Variants in PADI3 observed in about 807,000 individuals in gnomAD.
The protein encoded by PADI3 is protein-arginine deiminase type-3.
A neutral mutation model predicts 71.5 loss-of-function variants in PADI3; 53 were observed. That is an observed-to-expected ratio of 0.74 (90% CI 0.59 to 0.93). The LOEUF is 0.93. Ranked by LOEUF, PADI3 falls within the 40% of genes least tolerant of loss-of-function variation. PADI3 has a pLI of 0.00. For missense variants in PADI3, 821 were observed against 868.0 expected, an observed-to-expected ratio of 0.95 and a Z score of 0.68; for synonymous variants, 361 against 347.5, an observed-to-expected ratio of 1.04 and a Z score of -0.43.
Position 17,280,385 on chromosome 1 carries a change from G to C in PADI3, c.1591G>C (p.Val531Leu), listed in dbSNP as rs374756867. ...EQVKTISINQ[V>L]LSNKDLINYN... ...GGTCAAGACCATCTCCATCAACCAGGTGCTCTCCAATAAAGACCTCATCAA... is the reference window on the plus strand; with the variant it reads ...GGTCAAGACCATCTCCATCAACCAGCTGCTCTCCAATAAAGACCTCATCAA... The change falls in exon 14 of 16, where the codon GTG (valine) becomes CTG (leucine). Residue 531 changes from valine (V) to leucine (L), a missense_variant. By Grantham distance (32) the Val-to-Leu change is conservative. Coordinates refer to ENST00000375460, the MANE Select transcript of PADI3 (RefSeq NM_016233.2). 6.2e-7 allele frequency: 1 copy of C among 1,613,984 alleles called. No individual in the cohort carries two copies. Among genetic ancestry groups the C allele is most frequent in the Admixed American group, 1.7e-5 (1 of 60,006 alleles).
chr1:17,281,712 C>CA (rs1296607370), intron 15 of PADI3, among the ~76,000 whole-genome samples: 1 of 152,232 alleles, frequency 6.6e-6, no homozygotes, highest in East Asian at 1.9e-4. Context: ...CTCGGCCTCC[C>CA]AAAGTGCTGG....
intron 5 of PADI3, 140 bp from the exon 6 acceptor site, chr1:17,267,697 G>A (rs558160395): frequency 1.1e-6 from 1 of 875,282 alleles, no homozygotes; most frequent in Non-Finnish European, 1.7e-6. Context: ...GTTCTTGATG[G>A]CTTCCAGGGT....
intron 6 of PADI3, 88 bp downstream of exon 6, chr1:17,268,050 G>A: frequency 6.6e-7 from 1 of 1,514,906 alleles, no homozygotes; most frequent in Non-Finnish European, 9.1e-7. Flanking sequence ...TGGGCCATGG[G>A]CAGGTCCTGC....
At position 17,250,493 on chromosome 1, in the gene PADI3, G is replaced by A. The variant is rs1184932212; in HGVS notation, c.92+1264G>A. On this transcript the variant is annotated intron_variant, in intron 1 of 15. Coordinates refer to ENST00000375460, the MANE Select transcript of PADI3 (RefSeq NM_016233.2). ...TCGAAAAATCAGGGCGAACTTAGTCGGGAGCAGCGATGGGGTTGATCCAGG... is the reference window on the plus strand; with the variant it reads ...TCGAAAAATCAGGGCGAACTTAGTCAGGAGCAGCGATGGGGTTGATCCAGG... 2.4e-4 allele frequency among the ~76,000 whole-genome samples: 36 copies of A among 152,174 alleles called. 1 individual carries two copies. The highest frequency in any genetic ancestry group is 2.3e-3 in the Admixed American group (35 of 15,286).
intron 10 of PADI3, 35 bp downstream of exon 10, chr1:17,273,482 C>A: frequency 6.9e-7 from 1 of 1,439,760 alleles, no homozygotes; most frequent in Non-Finnish European, 9.7e-7. Context: ...CCCCTGAGAG[C>A]TGAGAGGCCT....
At chr1:17,279,804 G>A (rs143299935) in intron 13 of PADI3, among the ~76,000 whole-genome samples, 2 of 152,170 alleles carry the variant, frequency 1.3e-5, no homozygotes, top group Non-Finnish European at 2.9e-5. Flanking sequence ...TCTAGCCTCC[G>A]CTTCCCTGTC....
chr1:17,270,334 G>T lies in PADI3; in HGVS notation c.754G>T (p.Glu252Ter). 6.2e-7 allele frequency: 1 copy of T among 1,614,032 alleles called. No individual in the cohort carries two copies. The highest frequency in any genetic ancestry group is 8.5e-7 in the Non-Finnish European group (1 of 1,180,008). The change falls in exon 7 of 16, where the codon GAA (glutamate) becomes TAA (stop). Residue 252 changes from glutamate to a stop codon, truncating the protein, a stop_gained. Coordinates refer to ENST00000375460, the MANE Select transcript of PADI3 (RefSeq NM_016233.2). LOFTEE classifies it high-confidence loss of function. ...TGGGGATGAGGAGCGCTTCTTCGTG[G>T]AAGGCCTGTCCTTCCCTGATGCCGG... ...LHGDEERFFV[E>*]GLSFPDAGFT...
At position 17,283,499 on chromosome 1, in the gene PADI3, T is replaced by A. The variant is rs1475786268; in HGVS notation, c.*420T>A. ...TCTGCTTTGGTCCAATTGCTTCCTC[T>A]CTGCAGAGGAACAACCCTAAAACCA... is the stretch of plus-strand genomic sequence containing the variant. On this transcript the variant is annotated 3_prime_UTR_variant, in exon 16 of 16. Transcript: ENST00000375460. The A allele has an allele frequency of 5.8e-6, 1 of 171,092 alleles. No homozygotes were observed. The highest frequency in any genetic ancestry group is 1.3e-5 in the Non-Finnish European group (1 of 79,348). The allele number at this position is 171,092 out of a possible 1,614,324, so 10.6% of individuals were successfully genotyped here.
chr1:17,258,133 G>C (rs2073051011), intron 1 of PADI3, among the ~76,000 whole-genome samples: 2 of 152,198 alleles, frequency 1.3e-5, no homozygotes, highest in Admixed American at 6.5e-5. Flanking sequence ...TTATTGAGAG[G>C]ATTGCATGAT....
At chr1:17,253,892 G>T (rs918770448) in intron 1 of PADI3, among the ~76,000 whole-genome samples, 6 of 152,160 alleles carry the variant, frequency 3.9e-5, no homozygotes, top group Non-Finnish European at 5.9e-5. Flanking sequence ...ACCCTGAAGG[G>T]GTTGGCATAG....
intron 3 of PADI3, among the ~76,000 whole-genome samples, chr1:17,263,445 A>C (rs909365432): frequency 6.6e-6 from 1 of 152,228 alleles, no homozygotes; most frequent in African/African-American, 2.4e-5. Context: ...TGTGGTTATC[A>C]TGTGGCAATA....
chr1:17,275,615 A>C (rs1051085386), intron 11 of PADI3, among the ~76,000 whole-genome samples: 1 of 152,222 alleles, frequency 6.6e-6, no homozygotes, highest in African/African-American at 2.4e-5. Context: ...TGACAATAAC[A>C]TACAGAGAGA....
At chr1:17,267,049 A>G (rs1041670806) in intron 5 of PADI3, among the ~76,000 whole-genome samples, 3 of 152,192 alleles carry the variant, frequency 2.0e-5, no homozygotes, top group Non-Finnish European at 4.4e-5. Context: ...ATGCCAGGGC[A>G]GAAGCTCTGG....
At chr1:17,268,043 G>T in intron 6 of PADI3, 81 bp downstream of exon 6, 1 of 1,552,468 alleles carries the variant, frequency 6.4e-7, no homozygotes, top group Non-Finnish European at 8.8e-7. Context: ...CCTGCCTTGG[G>T]CCATGGGCAG....
At chr1:17,271,856 G>A (rs2977292) in intron 9 of PADI3, among the ~76,000 whole-genome samples, 59,842 of 96,762 alleles carry the variant, frequency 0.62, 20,186 homozygotes, top group Non-Finnish European at 0.74. Flanking sequence ...AAAAAAAAAA[G>A]AGAGAGAGAG....
chr1:17,273,969 G>A (rs1366854737), intron 10 of PADI3, among the ~76,000 whole-genome samples: 1 of 152,178 alleles, frequency 6.6e-6, no homozygotes, highest in Non-Finnish European at 1.5e-5. Flanking sequence ...GAGGGAGTGT[G>A]TGTGCGCGCA....
chr1:17,256,632 G>A (rs1042519031), intron 1 of PADI3, among the ~76,000 whole-genome samples: 2 of 152,316 alleles, frequency 1.3e-5, no homozygotes, highest in Admixed American at 1.3e-4. Flanking sequence ...TGGAGCCTGG[G>A]GACTGAGTGG....
At chr1:17,280,258 T>C in intron 13 of PADI3, 92 bp from the exon 14 acceptor site, 3 of 970,856 alleles carry the variant, frequency 3.1e-6, no homozygotes, top group Non-Finnish European at 4.9e-6. Flanking sequence ...CCATTAGCTG[T>C]GAACTTGGCT....
chr1:17,271,063 G>T lies in PADI3; in HGVS notation c.936-4G>T, dbSNP rs776734446. On this transcript the variant is annotated splice_polypyrimidine_tract_variant and splice_region_variant and intron_variant, in intron 8 of 15. Coordinates refer to ENST00000375460, the MANE Select transcript of PADI3 (RefSeq NM_016233.2). ...GAGCCCCTCTTCCCTGGGCTTGTCC[G>T]TAGTGTGAGGAACAACACGTGTTTT... is the stretch of plus-strand genomic sequence containing the variant. The T allele has an allele frequency of 6.2e-7, 1 of 1,614,030 alleles. No homozygotes were observed. Among genetic ancestry groups the T allele is most frequent in the Admixed American group, 1.7e-5 (1 of 60,016 alleles).
Sources: gnomAD v4.1 joint callset for allele counts (sites outside exome capture counted in the v4.1 genomes callset) on GRCh38, gnomAD v4.1.1 for gene constraint, MANE v1.5 for transcripts, NCBI Gene and HGNC (gene_info 2026-07-23, HGNC 2026-07-21) for gene names.